Variants in DLGAP2 observed in about 807,000 individuals in gnomAD.
DLGAP2 encodes the protein DLG associated protein 2.
Under a neutral mutation model 100.3 loss-of-function variants are expected in DLGAP2, and 26 were observed. The observed-to-expected ratio is 0.26, with a 90% CI of 0.19 to 0.36. The LOEUF (loss-of-function observed/expected upper bound fraction) is 0.36. DLGAP2 is among the 10% of genes least tolerant of loss of function. The probability of loss-of-function intolerance (pLI) is 1.00; values close to 1 mark genes in which losing one functional copy is unlikely to be tolerated. For synonymous variants in DLGAP2, 886 were observed against 630.1 expected (o/e 1.41, Z -6.08); for missense variants, 1,858 against 1,453.2 (o/e 1.28, Z -4.53).
intron 1 of DLGAP2, among the ~76,000 whole-genome samples, chr8:806,057 C>T (rs1796262780): frequency 6.6e-6 from 1 of 152,130 alleles, no homozygotes; most frequent in Non-Finnish European, 1.5e-5. Flanking sequence ...GAGTTTTTGC[C>T]AAGATTGTTT....
chr8:1,283,299 C>G (rs1327376772), intron 3 of DLGAP2, among the ~76,000 whole-genome samples: 1 of 151,894 alleles, frequency 6.6e-6, no homozygotes, highest in Non-Finnish European at 1.5e-5. Context: ...CTGAACCCAG[C>G]ACGTGAACCA....
At chr8:911,302 T>A (rs1798480078) in intron 2 of DLGAP2, among the ~76,000 whole-genome samples, 2 of 151,872 alleles carry the variant, frequency 1.3e-5, no homozygotes, top group Non-Finnish European at 1.5e-5. Flanking sequence ...TGCTGGAGAA[T>A]CTTGGAAGGA....
intron 1 of DLGAP2, among the ~76,000 whole-genome samples, chr8:814,852 A>C: frequency 1.0e-5 from 1 of 100,258 alleles, no homozygotes; most frequent in Admixed American, 1.0e-4. Flanking sequence ...CTCCGTCTCA[A>C]AAAAAAAAAA....
chr8:1,491,237 A>T (rs972849918), intron 3 of DLGAP2, among the ~76,000 whole-genome samples: 1 of 152,004 alleles, frequency 6.6e-6, no homozygotes, highest in East Asian at 1.9e-4. Context: ...TGAAATTCAC[A>T]TGTAACTGGC....
intron 2 of DLGAP2, among the ~76,000 whole-genome samples, chr8:947,467 G>A (rs1237494809): frequency 2.6e-5 from 4 of 152,212 alleles, no homozygotes; most frequent in Non-Finnish European, 5.9e-5. Flanking sequence ...GCCCTTACAC[G>A]AAGCGTAGAG....
At chr8:749,640 T>C (rs1397608598) in intron 1 of DLGAP2, among the ~76,000 whole-genome samples, 1 of 152,240 alleles carries the variant, frequency 6.6e-6, no homozygotes, top group Non-Finnish European at 1.5e-5. Context: ...GTTAATGTAT[T>C]TTTTTGAATA....
intron 6 of DLGAP2, among the ~76,000 whole-genome samples, chr8:1,605,446 G>A (rs1178900564): frequency 6.6e-6 from 1 of 152,206 alleles, no homozygotes; most frequent in Non-Finnish European, 1.5e-5. Context: ...CTTGAAGGAA[G>A]CAGATGATCA....
rs111285391 is a variant in DLGAP2 at position 1,690,991 on chromosome 8, T to C, written c.2705-544T>C. ...CTGTGAGGCCTCTGTCCACGCAGCC[T>C]CTTCCTACGTAACACACACCTCACA... is the stretch of plus-strand genomic sequence containing the variant. On this transcript the variant is annotated intron_variant, in intron 12 of 14. Coordinates refer to ENST00000637795, the MANE Select transcript of DLGAP2 (RefSeq NM_001346810.2). Among the ~76,000 whole-genome samples, 805 of 152,302 alleles carry C rather than the reference T, an allele frequency of 5.3e-3. 12 individuals are homozygous for C. The highest frequency in any genetic ancestry group is 0.018 in the African/African-American group (762 of 41,548).
rs142131411 is a variant in DLGAP2 at position 1,346,096 on chromosome 8, G to A, written c.106+87213G>A. 5.1e-3 allele frequency among the ~76,000 whole-genome samples: 783 copies of A among 152,222 alleles called. 4 individuals are homozygous for A. The highest frequency in any genetic ancestry group is 0.017 in the Middle Eastern group (5 of 294). The stretch of plus-strand genomic sequence containing the variant: ...TGGAGGTTGAGTGCCCGGCAGAGCT[G>A]CATTTCCCTTATGGTGTCTGTGTGG... On this transcript the variant is annotated intron_variant, in intron 3 of 14. Transcript: ENST00000637795.
At chr8:769,159 C>A (rs1427142838) in intron 1 of DLGAP2, among the ~76,000 whole-genome samples, 2 of 152,072 alleles carry the variant, frequency 1.3e-5, no homozygotes, top group African/African-American at 2.4e-5. Context: ...GCTCAGAAAC[C>A]TTTTGAGGTT....
At chr8:1,691,647 C>T (rs763528478) in intron 13 of DLGAP2, 21 bp downstream of exon 13, 80 of 1,591,680 alleles carry the variant, frequency 5.0e-5, no homozygotes, top group South Asian at 3.2e-4. Flanking sequence ...CCTCAGTGAA[C>T]CCCTGTTCCC....
At chr8:1,382,174 A>G (rs1426140115) in intron 3 of DLGAP2, among the ~76,000 whole-genome samples, 6 of 152,244 alleles carry the variant, frequency 3.9e-5, no homozygotes, top group East Asian at 3.8e-4. Context: ...TGTTACATGT[A>G]TTACATGCTG....
At chr8:1,135,688 G>A (rs56935324) in intron 2 of DLGAP2, among the ~76,000 whole-genome samples, 3 of 152,172 alleles carry the variant, frequency 2.0e-5, no homozygotes, top group East Asian at 1.9e-4. Flanking sequence ...CAGGTTGGGC[G>A]CTAAGCCTTC....
chr8:1,077,377 C>T (rs73542006), intron 2 of DLGAP2, among the ~76,000 whole-genome samples: 6,963 of 152,232 alleles, frequency 0.046, 525 homozygotes, highest in African/African-American at 0.16. Flanking sequence ...GCTCGTCACA[C>T]GGCAGTCCCA....
chr8:1,307,681 T>C (rs1185634141), intron 3 of DLGAP2, among the ~76,000 whole-genome samples: 1 of 152,142 alleles, frequency 6.6e-6, no homozygotes, highest in East Asian at 1.9e-4. Flanking sequence ...GAAGAACATT[T>C]AGCCTTAAAA....
intron 1 of DLGAP2, among the ~76,000 whole-genome samples, chr8:754,603 C>G (rs995901905): frequency 6.6e-6 from 1 of 152,194 alleles, no homozygotes; most frequent in East Asian, 1.9e-4. Flanking sequence ...CCTGCAATCC[C>G]AGTGCTCTGC....
chr8:1,345,170 C>T (rs905852878), intron 3 of DLGAP2, among the ~76,000 whole-genome samples: 1 of 73,560 alleles, frequency 1.4e-5, no homozygotes, highest in African/African-American at 3.9e-5. Context: ...TTCATTAGGG[C>T]CCAGTACATT....
chr8:1,342,186 A>G (rs562492238), intron 3 of DLGAP2, among the ~76,000 whole-genome samples: 51 of 152,168 alleles, frequency 3.4e-4, no homozygotes, highest in African/African-American at 1.1e-3. Flanking sequence ...GTCTCAAGCA[A>G]TCGGCCCACC....
chr8:773,195 G>T (rs952051270), intron 1 of DLGAP2, among the ~76,000 whole-genome samples: 23 of 152,124 alleles, frequency 1.5e-4, no homozygotes, highest in Non-Finnish European at 1.6e-4. Flanking sequence ...TTCTGCAAAG[G>T]CCTCTTTCTT....
Sources: gnomAD v4.1 joint callset for allele counts (sites outside exome capture counted in the v4.1 genomes callset) on GRCh38, gnomAD v4.1.1 for gene constraint, MANE v1.5 for transcripts, NCBI Gene and HGNC (gene_info 2026-07-23, HGNC 2026-07-21) for gene names.